The following ZFC3H1 variants were observed in gnomAD, a reference collection of about 807,000 sequenced individuals.
ZFC3H1 encodes the protein zinc finger C3H1 domain-containing protein.
A neutral mutation model predicts 243.7 loss-of-function variants in ZFC3H1; 71 were observed. The ratio of observed to expected loss-of-function variants is 0.29; its 90% CI spans 0.24 to 0.36. The LOEUF (loss-of-function observed/expected upper bound fraction) is 0.36. Ranked by LOEUF, ZFC3H1 falls within the 10% of genes least tolerant of loss-of-function variation. ZFC3H1 has a pLI of 1.00. For synonymous variants in ZFC3H1, 838 were observed against 813.0 expected (o/e 1.03, Z -0.52); for missense variants, 1,966 against 2,317.1 (o/e 0.85, Z 3.11).
At chr12:71,611,006 A>C (rs1451400341) in intron 33 of ZFC3H1, 52 bp downstream of exon 33, 2 of 1,576,960 alleles carry the variant, frequency 1.3e-6, no homozygotes, top group South Asian at 1.2e-5. Context: ...TCAACAAAAG[A>C]GACAGAAAAA....
At chr12:71,661,861 T>C (rs1881186049) in intron 1 of ZFC3H1, among the ~76,000 whole-genome samples, 1 of 152,222 alleles carries the variant, frequency 6.6e-6, no homozygotes, top group African/African-American at 2.4e-5. Flanking sequence ...TTCAGGGAAC[T>C]AGCATCAGAA....
At chr12:71,634,043 G>T in intron 12 of ZFC3H1, 112 bp downstream of exon 12, 1 of 1,101,326 alleles carries the variant, frequency 9.1e-7, no homozygotes, top group Non-Finnish European at 1.3e-6. Context: ...ATTCTACAAA[G>T]TTTAAGTGAG....
At position 71,615,126 on chromosome 12, in the gene ZFC3H1, A is replaced by G. The variant is rs1487562790; in HGVS notation, c.5255+80T>C. ...CAATGACTTTAACATCAAGTTAATT[A>G]TAACAAACACAGTGTAATTCAGTAA... On this transcript the variant is annotated intron_variant, in intron 28 of 34. Coordinates refer to ENST00000378743, the MANE Select transcript of ZFC3H1 (RefSeq NM_144982.5). 35 of 1,271,796 alleles carry G rather than the reference A, an allele frequency of 2.8e-5. 3 individuals are homozygous for G. The South Asian group carries it at 4.3e-4, about 16-fold the overall frequency. The allele number at this position is 1,271,796 out of a possible 1,614,324, so 78.8% of individuals were successfully genotyped here.
chr12:71,662,176 G>A (rs1256442980), intron 1 of ZFC3H1, among the ~76,000 whole-genome samples: 1 of 152,196 alleles, frequency 6.6e-6, no homozygotes, highest in Non-Finnish European at 1.5e-5. Flanking sequence ...TATAAATGCT[G>A]AGTAAACTCA....
At chr12:71,620,403 G>A in intron 24 of ZFC3H1, 88 bp from the exon 25 acceptor site, 2 of 1,318,064 alleles carry the variant, frequency 1.5e-6, no homozygotes, top group Non-Finnish European at 2.2e-6. Context: ...AGAGACCAAT[G>A]GGAAAAGATG....
intron 1 of ZFC3H1, among the ~76,000 whole-genome samples, chr12:71,662,295 C>T (rs369632097): frequency 2.0e-5 from 3 of 152,214 alleles, no homozygotes; most frequent in African/African-American, 7.2e-5. Flanking sequence ...CATTCCTCCA[C>T]TCTAACGTAT....
At chr12:71,661,508 A>C (rs1039732593) in intron 1 of ZFC3H1, among the ~76,000 whole-genome samples, 1 of 131,036 alleles carries the variant, frequency 7.6e-6, no homozygotes, top group African/African-American at 3.0e-5. Context: ...TTTGAAACGG[A>C]GTCTCGCTTT....
intron 1 of ZFC3H1, among the ~76,000 whole-genome samples, chr12:71,657,956 T>C (rs903308294): frequency 3.3e-5 from 5 of 149,576 alleles, no homozygotes; most frequent in Non-Finnish European, 7.4e-5. Context: ...ACCACTGCAC[T>C]CCAGCCTGGG....
At chr12:71,629,157 AT>A (rs201091738) in intron 19 of ZFC3H1, 120 bp from the exon 20 acceptor site, 144,270 of 633,706 alleles carry the variant, frequency 0.23, 159 homozygotes, top group South Asian at 0.28. Context: ...AATGATACGT[AT>A]TTTTTTTTTT....
At chr12:71,619,434 T>C (rs775237119) in intron 26 of ZFC3H1, 25 bp from the exon 27 acceptor site, 2 of 1,597,032 alleles carry the variant, frequency 1.3e-6, no homozygotes, top group South Asian at 2.2e-5. Context: ...GGGAGGGGGA[T>C]ATATATCAGG....
At chr12:71,655,817 AAG>A (rs1881001779) in intron 2 of ZFC3H1, among the ~76,000 whole-genome samples, 2 of 152,138 alleles carry the variant, frequency 1.3e-5, no homozygotes, top group Non-Finnish European at 2.9e-5. Flanking sequence ...GTCAAGGAAA[AAG>A]AGGGGGGGGA....
At chr12:71,642,686 T>A in intron 5 of ZFC3H1, 127 bp from the exon 6 acceptor site, 2 of 1,076,206 alleles carry the variant, frequency 1.9e-6, no homozygotes, top group Non-Finnish European at 2.6e-6. Flanking sequence ...GATGTGCCTA[T>A]CACATCTTTG....
At chr12:71,642,778 C>A (rs571110915) in intron 5 of ZFC3H1, among the ~76,000 whole-genome samples, 1 of 152,040 alleles carries the variant, frequency 6.6e-6, no homozygotes, top group African/African-American at 2.4e-5. Flanking sequence ...TTCCAAAGTA[C>A]GAGCTATACA....
intron 1 of ZFC3H1, among the ~76,000 whole-genome samples, chr12:71,658,282 A>ATTTTTTTTTTT (rs11454442): frequency 1.1e-5 from 1 of 92,810 alleles, no homozygotes; most frequent in African/African-American, 4.4e-5. Flanking sequence ...TCATTTATAG[A>ATTTTTTTTTTT]TTTTTTTTTT....
In ZFC3H1 at chr12:71,634,291, G is replaced by C; in HGVS notation, c.2374C>G (p.Arg792Gly). ...TTCAGCTGATCTGATTTAATCAAAC[G>C]CTGTTTCTCACGGCTAAAATTATCA... is the stretch of plus-strand genomic sequence containing the variant. ...KEEIANREKQ[R>G]LIKSDQLKTS... Residue 792 changes from arginine to glycine, a missense_variant, in exon 12 of 35, where the codon CGT becomes GGT. Physicochemically the swap from Arg to Gly is moderately radical, Grantham distance 125. Transcript: ENST00000378743. 6.2e-7 allele frequency: 1 copy of C among 1,612,646 alleles called. No homozygotes were observed. The highest frequency in any genetic ancestry group is 8.5e-7 in the Non-Finnish European group (1 of 1,179,610).
intron 21 of ZFC3H1, among the ~76,000 whole-genome samples, chr12:71,626,695 C>A (rs1044471229): frequency 6.6e-6 from 1 of 152,152 alleles, no homozygotes; most frequent in African/African-American, 2.4e-5. Flanking sequence ...GATAAAAGTA[C>A]AGTGTTATAA....
At position 71,663,746 on chromosome 12, in the gene ZFC3H1, C is replaced by A; in HGVS notation, c.-136G>T. On this transcript the variant is annotated 5_prime_UTR_variant, in exon 1 of 35. Coordinates refer to ENST00000378743, the MANE Select transcript of ZFC3H1 (RefSeq NM_144982.5). ...ACTCGGACACCAAGCGGCCTCTGCT[C>A]CCCAACTTCCCCGCACCCCAGCACC... The A allele has an allele frequency of 1.0e-6, 1 of 999,838 alleles. No individual in the cohort carries two copies. The highest frequency in any genetic ancestry group is 1.5e-6 in the Non-Finnish European group (1 of 685,588). The allele number at this position is 999,838 out of a possible 1,614,324, so 61.9% of individuals were successfully genotyped here.
Position 71,626,322 on chromosome 12 carries a change from C to T in ZFC3H1, c.4255G>A (p.Glu1419Lys). ...GCTGTTTCACACATTTCCTGCACCTCGTCCTTGGTTCCTCTTTTTGAGAAC... is the reference window on the plus strand; with the variant it reads ...GCTGTTTCACACATTTCCTGCACCTTGTCCTTGGTTCCTCTTTTTGAGAAC... ...RLFSKRGTKD[E>K]VQEMCETAVE... The change falls in exon 22 of 35, where the codon GAG becomes AAG. Residue 1419 changes from glutamate to lysine, a missense_variant. Physicochemically the swap from Glu to Lys is moderately conservative, Grantham distance 56. Around this residue, in one of 4 missense-constraint regions of ZFC3H1, gnomAD observed 1,383 missense variants for 1,723.7 expected, o/e 0.80. Coordinates refer to ENST00000378743, the MANE Select transcript of ZFC3H1 (RefSeq NM_144982.5). 1 of 1,613,992 alleles carries T rather than the reference C, an allele frequency of 6.2e-7. No homozygotes were observed. The highest frequency in any genetic ancestry group is 8.5e-7 in the Non-Finnish European group (1 of 1,179,972).
intron 1 of ZFC3H1, among the ~76,000 whole-genome samples, chr12:71,659,931 G>C (rs553424876): frequency 1.3e-5 from 2 of 152,302 alleles, no homozygotes; most frequent in Admixed American, 6.5e-5. Context: ...TCATTCAAGG[G>C]AGACATGCTA....
Sources: allele counts gnomAD v4.1 joint callset (sites outside exome capture counted in the v4.1 genomes callset), GRCh38; gene constraint gnomAD v4.1.1; regional missense constraint gnomAD v4.1.1; transcripts MANE v1.5; gene names NCBI Gene and HGNC (gene_info 2026-07-23, HGNC 2026-07-21).